RUNX2: variants seen among roughly 807,000 people sequenced by gnomAD.
RUNX2 encodes the protein runt-related transcription factor 2.
In RUNX2, 10 loss-of-function variants were observed where a neutral mutation model predicts 51.7. The ratio of observed to expected loss-of-function variants is 0.19; its 90% CI spans 0.12 to 0.33. The LOEUF (loss-of-function observed/expected upper bound fraction) is 0.33, where lower values mean the gene tolerates loss of function less well. Ranked by LOEUF, RUNX2 falls within the 10% of genes least tolerant of loss-of-function variation. RUNX2 has a pLI of 1.00. For synonymous variants in RUNX2, 276 were observed against 273.6 expected, an observed-to-expected ratio of 1.01 and a Z score of -0.09; for missense variants, 562 against 691.3, an observed-to-expected ratio of 0.81 and a Z score of 2.10.
At chr6:45,329,312 C>T (rs1377866033) in intron 2 of RUNX2, among the ~76,000 whole-genome samples, 1 of 151,898 alleles carries the variant, frequency 6.6e-6, no homozygotes, top group African/African-American at 2.4e-5. Context: ...AAGAAATCTA[C>T]TTATAAATTC....
intron 5 of RUNX2, among the ~76,000 whole-genome samples, chr6:45,458,384 G>T (rs1799379980): frequency 6.6e-6 from 1 of 152,100 alleles, no homozygotes; most frequent in Non-Finnish European, 1.5e-5. Flanking sequence ...AAGAGTATTT[G>T]TTAAGCATCT....
chr6:45,502,922 C>T (rs1002968570), intron 6 of RUNX2, among the ~76,000 whole-genome samples: 1 of 152,220 alleles, frequency 6.6e-6, no homozygotes, highest in Admixed American at 6.5e-5. Flanking sequence ...TCTCATCTCA[C>T]AATATTTTGA....
intron 5 of RUNX2, among the ~76,000 whole-genome samples, chr6:45,442,579 G>A (rs1406402057): frequency 6.6e-6 from 1 of 152,216 alleles, no homozygotes; most frequent in Admixed American, 6.5e-5. Context: ...ATTATTTGTT[G>A]TGCAGAGGAT....
chr6:45,526,837 G>T (rs568387848), intron 7 of RUNX2, among the ~76,000 whole-genome samples: 1 of 152,260 alleles, frequency 6.6e-6, no homozygotes, highest in South Asian at 2.1e-4. Context: ...TTCCGCATCA[G>T]TTAAATGACC....
chr6:45,508,439 G>C (rs757010392), intron 6 of RUNX2, among the ~76,000 whole-genome samples: 10 of 152,068 alleles, frequency 6.6e-5, no homozygotes. Flanking sequence ...TGTTGGTCAG[G>C]CTGGTCTTGA....
intron 3 of RUNX2, among the ~76,000 whole-genome samples, chr6:45,429,922 CT>C (rs1798492127): frequency 6.6e-6 from 1 of 151,958 alleles, no homozygotes; most frequent in African/African-American, 2.4e-5. Flanking sequence ...GGTGAAACCC[CT>C]TCTCTACTAA....
At chr6:45,423,027 C>T (rs1035030964) in intron 3 of RUNX2, 70 bp downstream of exon 3, 8 of 1,571,662 alleles carry the variant, frequency 5.1e-6, no homozygotes, top group East Asian at 2.3e-5. Flanking sequence ...TCTTCCTGCC[C>T]ACGGGGCTGG....
chr6:45,443,963 G>GC (rs1413746780), intron 5 of RUNX2, among the ~76,000 whole-genome samples: 1 of 152,018 alleles, frequency 6.6e-6, no homozygotes, highest in Non-Finnish European at 1.5e-5. Flanking sequence ...CAATTACCCT[G>GC]CCTCAGCCTC....
chr6:45,490,754 C>T (rs1218228817), intron 5 of RUNX2, among the ~76,000 whole-genome samples: 1 of 151,934 alleles, frequency 6.6e-6, no homozygotes, highest in Non-Finnish European at 1.5e-5. Flanking sequence ...CTTAGTTTCT[C>T]TTCAAGGGGC....
chr6:45,517,860 T>G (rs186776800), intron 7 of RUNX2, among the ~76,000 whole-genome samples: 1 of 152,162 alleles, frequency 6.6e-6, no homozygotes, highest in African/African-American at 2.4e-5. Context: ...TCAAACCCAG[T>G]AGAGTTTGAG....
chr6:45,546,712 G>A, intron 8 of RUNX2, 115 bp from the exon 9 acceptor site: 2 of 890,102 alleles, frequency 2.2e-6, no homozygotes, highest in South Asian at 2.9e-5. Flanking sequence ...TCTGTGGCTT[G>A]CTGTTCCTTT....
chr6:45,394,833 C>T (rs1367109372), intron 2 of RUNX2, among the ~76,000 whole-genome samples: 3 of 152,184 alleles, frequency 2.0e-5, no homozygotes, highest in Non-Finnish European at 2.9e-5. Context: ...GAACAAAGTG[C>T]TCTGAGCATA....
chr6:45,448,438 T>A (rs1160936508), intron 5 of RUNX2, among the ~76,000 whole-genome samples: 1 of 152,052 alleles, frequency 6.6e-6, no homozygotes, highest in African/African-American at 2.4e-5. Context: ...AATCAACGAA[T>A]TAAGAAGAGG....
intron 2 of RUNX2, among the ~76,000 whole-genome samples, chr6:45,406,271 G>A (rs1421805458): frequency 6.6e-6 from 1 of 152,112 alleles, no homozygotes; most frequent in Non-Finnish European, 1.5e-5. Context: ...CTGTCTGGAC[G>A]ACTACAGTAG....
At chr6:45,462,980 T>C (rs1253358582) in intron 5 of RUNX2, among the ~76,000 whole-genome samples, 1 of 152,182 alleles carries the variant, frequency 6.6e-6, no homozygotes, top group African/African-American at 2.4e-5. Context: ...AGGCTGAAGT[T>C]GTCCCCATCT....
chr6:45,511,356 C>T (rs538074900), intron 6 of RUNX2, among the ~76,000 whole-genome samples: 1 of 152,288 alleles, frequency 6.6e-6, no homozygotes, highest in Non-Finnish European at 1.5e-5. Context: ...GTAGGTAACA[C>T]TAGGCCAAAT....
intron 2 of RUNX2, chr6:45,365,270 GT>G: frequency 6.2e-7 from 1 of 1,611,918 alleles, no homozygotes; most frequent in Non-Finnish European, 8.5e-7. Context: ...TGAAGTTGCA[GT>G]AGACATTGGA....
intron 6 of RUNX2, among the ~76,000 whole-genome samples, chr6:45,512,017 A>G (rs1398303641): frequency 6.6e-6 from 1 of 152,044 alleles, no homozygotes; most frequent in Non-Finnish European, 1.5e-5. Flanking sequence ...TGCATCATCC[A>G]TTTTGTTGCT....
intron 2 of RUNX2, among the ~76,000 whole-genome samples, chr6:45,390,151 C>A (rs933114527): frequency 6.6e-6 from 1 of 152,188 alleles, no homozygotes; most frequent in Non-Finnish European, 1.5e-5. Flanking sequence ...TGTGACCAAG[C>A]AACCTTCAGA....
Sources: allele counts gnomAD v4.1 joint callset (sites outside exome capture counted in the v4.1 genomes callset), GRCh38; gene constraint gnomAD v4.1.1; transcripts MANE v1.5; gene names NCBI Gene and HGNC (gene_info 2026-07-23, HGNC 2026-07-21).